The following METTL8 variants were observed in gnomAD, a reference collection of about 807,000 sequenced individuals.
The protein encoded by METTL8 is tRNA N(3)-cytidine methyltransferase METTL8, mitochondrial.
Under a neutral mutation model 48.7 loss-of-function variants are expected in METTL8, and 32 were observed. That is an observed-to-expected ratio of 0.66 (90% CI 0.50 to 0.88). METTL8 has a LOEUF of 0.88. METTL8 is among the 40% of genes least tolerant of loss of function. METTL8 has a pLI of 0.00. For missense variants in METTL8, 464 were observed against 474.4 expected (o/e 0.98, Z 0.20); for synonymous variants, 136 against 157.1 (o/e 0.87, Z 1.01).
At chr2:171,375,213 G>A in intron 2 of METTL8, 1 of 1,356,046 alleles carries the variant, frequency 7.4e-7, no homozygotes, top group Non-Finnish European at 1.0e-6. Context: ...AGTTAGTGCA[G>A]CGAATAGGAT....
chr2:171,321,371 C>T lies in METTL8; in HGVS notation c.*2801G>A, dbSNP rs1293185313. On this transcript the variant is annotated 3_prime_UTR_variant, in exon 10 of 10. Transcript: ENST00000375258. ...GGCTCAAAAGATCCTCCCAGCTCAGCCTCCTGAGTAGCTGGGACAACAGGT... is the reference window on the plus strand; with the variant it reads ...GGCTCAAAAGATCCTCCCAGCTCAGTCTCCTGAGTAGCTGGGACAACAGGT... 6.6e-6 allele frequency: 1 copy of T among 152,212 alleles called. No individual in the cohort carries two copies. Among genetic ancestry groups the T allele is most frequent in the Non-Finnish European group, 1.5e-5 (1 of 68,084 alleles). 9.4% of individuals were successfully genotyped at this position (152,212 alleles called of 1,614,324 possible).
chr2:171,418,234 C>T (rs569573134), intron 1 of METTL8, among the ~76,000 whole-genome samples: 76 of 152,246 alleles, frequency 5.0e-4, no homozygotes, highest in African/African-American at 1.8e-3. Flanking sequence ...TGAGCCACCG[C>T]ACCCGGCCAT....
chr2:171,331,377 G>A (rs1270187353), intron 6 of METTL8, among the ~76,000 whole-genome samples: 2 of 151,090 alleles, frequency 1.3e-5, no homozygotes, highest in South Asian at 2.1e-4. Flanking sequence ...CCAAAGTGCT[G>A]GGATTACAGG....
At chr2:171,367,059 A>C (rs1252155568) in intron 2 of METTL8, among the ~76,000 whole-genome samples, 1 of 152,162 alleles carries the variant, frequency 6.6e-6, no homozygotes, top group African/African-American at 2.4e-5. Flanking sequence ...CAATTGGTCT[A>C]ACAAACACAT....
At chr2:171,372,908 A>T (rs2105506601) in intron 2 of METTL8, among the ~76,000 whole-genome samples, 1 of 152,246 alleles carries the variant, frequency 6.6e-6, no homozygotes, top group South Asian at 2.1e-4. Context: ...ATTGGTTCCA[A>T]GTCTTTGCTA....
chr2:171,382,507 G>A (rs1314880910), intron 2 of METTL8, among the ~76,000 whole-genome samples: 1 of 152,078 alleles, frequency 6.6e-6, no homozygotes, highest in Admixed American at 6.6e-5. Context: ...TGAACAATGA[G>A]AACACATGGA....
chr2:171,400,244 T>C (rs774978964), intron 1 of METTL8, among the ~76,000 whole-genome samples: 6 of 152,178 alleles, frequency 3.9e-5, no homozygotes, highest in Non-Finnish European at 8.8e-5. Flanking sequence ...CCAAGCAGTC[T>C]AATTAAAGAA....
At position 171,430,024 on chromosome 2, in the gene METTL8, G is replaced by C. The variant is rs147199779; in HGVS notation, c.-13+3859C>G. On this transcript the variant is annotated intron_variant, in intron 1 of 9. Coordinates refer to ENST00000375258, the MANE Select transcript of METTL8 (RefSeq NM_001321154.2). ...CATTGCACTCCAGCCTGGGCAACAA[G>C]AGCAAAAAAACTCCGTCTCAAAAAG... Among the ~76,000 whole-genome samples the C allele has an allele frequency of 9.7e-4, 139 of 142,628 alleles. 1 individual carries two copies. Among genetic ancestry groups the C allele is most frequent in the African/African-American group, 3.6e-3 (137 of 38,350 alleles). 93.6% of individuals were successfully genotyped at this position (142,628 alleles called of 152,430 possible). A position where few individuals can be genotyped will look rare whatever the true frequency, so the allele number is the denominator to read the frequency against.
upstream of METTL8, chr2:171,434,363 T>C (rs1345882071): frequency 1.1e-5 from 9 of 809,446 alleles, no homozygotes; most frequent in Non-Finnish European, 1.6e-5. Context: ...GGAGTGCTTC[T>C]TCCCTTCTCT....
At position 171,382,761 on chromosome 2, in the gene METTL8, A is replaced by AC. The variant is rs1559147336; in HGVS notation, c.143+9281_143+9282insG. On this transcript the variant is annotated intron_variant, in intron 2 of 9. Transcript: ENST00000375258. ...AGAAAAAAAGAAAAGAAAACTACAAAAAAACAAACAAACAAAAAACACACA... is the reference window on the plus strand; with the variant it reads ...AGAAAAAAAGAAAAGAAAACTACAAACAAAACAAACAAACAAAAAACACACA... Among the ~76,000 whole-genome samples the AC allele has an allele frequency of 2.6e-5, 4 of 152,134 alleles. No individual in the cohort carries two copies. In the East Asian group the frequency reaches 7.7e-4, roughly 29 times the overall value.
At chr2:171,350,983 C>G (rs1683851234) in intron 3 of METTL8, among the ~76,000 whole-genome samples, 2 of 152,170 alleles carry the variant, frequency 1.3e-5, no homozygotes, top group African/African-American at 2.4e-5. Flanking sequence ...TCACATTTGT[C>G]AACTTTGGCT....
At chr2:171,337,594 G>T (rs1458474198) in intron 4 of METTL8, 92 bp from the exon 5 acceptor site, 1 of 859,266 alleles carries the variant, frequency 1.2e-6, no homozygotes. Context: ...AAAACAATTA[G>T]ACTTACTGGA....
intron 2 of METTL8, among the ~76,000 whole-genome samples, chr2:171,379,812 C>T (rs1346099288): frequency 6.6e-6 from 1 of 152,174 alleles, no homozygotes; most frequent in Non-Finnish European, 1.5e-5. Flanking sequence ...TAAATTCTAC[C>T]AGAGGTACAA....
intron 1 of METTL8, among the ~76,000 whole-genome samples, chr2:171,409,960 C>A (rs1446517198): frequency 1.3e-5 from 2 of 152,050 alleles, no homozygotes; most frequent in African/African-American, 4.8e-5. Context: ...ACTCCTCACC[C>A]ACAAAGAAGT....
At chr2:171,428,202 A>G (rs1346758112) in intron 1 of METTL8, among the ~76,000 whole-genome samples, 2 of 152,212 alleles carry the variant, frequency 1.3e-5, no homozygotes, top group African/African-American at 4.8e-5. Flanking sequence ...AACTGTATCT[A>G]TTTATGCCAT....
rs543120730 is a variant in METTL8, at chr2:171,330,415, T to A, written c.860+144A>T. On this transcript the variant is annotated intron_variant, in intron 7 of 9. Coordinates refer to ENST00000375258, the MANE Select transcript of METTL8 (RefSeq NM_001321154.2). ...CTAAAAGTACGAAGAAAGGAAAAAC[T>A]GCCTTTAAAAGGCTGTGTATTATAC... is the stretch of plus-strand genomic sequence containing the variant. 20 of 669,308 alleles carry A rather than the reference T, an allele frequency of 3.0e-5. No homozygotes were observed. In the Admixed American group the frequency reaches 5.4e-4, roughly 18 times the overall value. 41.5% of individuals were successfully genotyped at this position (669,308 alleles called of 1,614,324 possible). A position where few individuals can be genotyped will look rare whatever the true frequency, so the allele number is the denominator to read the frequency against.
Position 171,420,310 on chromosome 2 carries a change from C to T in METTL8, c.-13+13573G>A, listed in dbSNP as rs187658505. The stretch of plus-strand genomic sequence containing the variant: ...TTGACTCCTGGTATGATGCTCTTCC[C>T]GCTAGACTATTCTTTTGTCTTTTCA... On this transcript the variant is annotated intron_variant, in intron 1 of 9. Transcript: ENST00000375258. 2.8e-3 allele frequency among the ~76,000 whole-genome samples: 429 copies of T among 152,210 alleles called. 6 individuals are homozygous for T. Among genetic ancestry groups the T allele is most frequent in the African/African-American group, 9.7e-3 (402 of 41,510 alleles).
At chr2:171,349,872 AATAGAT>A (rs1432396189) in intron 3 of METTL8, among the ~76,000 whole-genome samples, 1 of 152,162 alleles carries the variant, frequency 6.6e-6, no homozygotes, top group Non-Finnish European at 1.5e-5. Flanking sequence ...ATTGATATAT[AATAGAT>A]ATAAATATTT....
intron 1 of METTL8, among the ~76,000 whole-genome samples, chr2:171,428,625 A>G (rs1692660330): frequency 6.6e-6 from 1 of 152,218 alleles, no homozygotes; most frequent in Non-Finnish European, 1.5e-5. Context: ...GGAGAATTAT[A>G]TTACTACTCA....
Sources: allele counts gnomAD v4.1 joint callset (sites outside exome capture counted in the v4.1 genomes callset), GRCh38; gene constraint gnomAD v4.1.1; transcripts MANE v1.5; gene names NCBI Gene and HGNC (gene_info 2026-07-23, HGNC 2026-07-21).